AJAP1: variants seen among roughly 807,000 people sequenced by gnomAD.
AJAP1 encodes the protein adherens junctions associated protein 1.
AJAP1 carries 5 observed loss-of-function variants against 35.0 expected under a neutral mutation model. The ratio of observed to expected loss-of-function variants is 0.14; its 90% CI spans 0.07 to 0.30. The LOEUF is 0.30. Ranked by LOEUF, AJAP1 falls within the 10% of genes least tolerant of loss-of-function variation. The pLI, the probability that AJAP1 is intolerant of heterozygous loss-of-function variation, is 1.00. For synonymous variants in AJAP1, 284 were observed against 249.3 expected, an observed-to-expected ratio of 1.14 and a Z score of -1.31; for missense variants, 586 against 571.0, an observed-to-expected ratio of 1.03 and a Z score of -0.27.
intron 1 of AJAP1, among the ~76,000 whole-genome samples, chr1:4,682,001 T>G (rs1013879940): frequency 2.6e-5 from 4 of 152,114 alleles, no homozygotes; most frequent in African/African-American, 9.7e-5. Flanking sequence ...AACTGAAGCA[T>G]AGAGAGCACG....
rs181196408 is a variant in AJAP1, at chr1:4,748,880, G to C, written c.830-20973G>C. Among the ~76,000 whole-genome samples the C allele has an allele frequency of 4.3e-4, 65 of 152,140 alleles. 1 individual carries two copies. The highest frequency in any genetic ancestry group is 1.5e-3 in the African/African-American group (63 of 41,516). ...CAAAAGGCACCATCTTAGAAGCAGA[G>C]AGCAGCCCTTGCTAGACCCCAAACC... On this transcript the variant is annotated intron_variant, in intron 2 of 5. Coordinates refer to ENST00000378191, the MANE Select transcript of AJAP1 (RefSeq NM_018836.4).
intron 2 of AJAP1, among the ~76,000 whole-genome samples, chr1:4,748,778 TGG>T: frequency 1.5e-5 from 2 of 134,814 alleles, no homozygotes; most frequent in Admixed American, 7.3e-5. Flanking sequence ...AAAAAAAGAA[TGG>T]AACCAGGGCT....
intron 1 of AJAP1, among the ~76,000 whole-genome samples, chr1:4,706,310 C>T (rs914071311): frequency 6.6e-6 from 1 of 152,166 alleles, no homozygotes; most frequent in African/African-American, 2.4e-5. Flanking sequence ...CGTAGAAGCA[C>T]GGGTCTTCTT....
At chr1:4,743,697 C>G (rs1447271322) in intron 2 of AJAP1, among the ~76,000 whole-genome samples, 4 of 152,170 alleles carry the variant, frequency 2.6e-5, no homozygotes, top group Non-Finnish European at 5.9e-5. Context: ...ACATACTGAC[C>G]TGAACCCTTA....
At chr1:4,694,356 T>A (rs549100881) in intron 1 of AJAP1, among the ~76,000 whole-genome samples, 21 of 152,332 alleles carry the variant, frequency 1.4e-4, no homozygotes, top group Admixed American at 1.2e-3. Flanking sequence ...CAAGTATTAT[T>A]TTCTCTCTGA....
At chr1:4,731,330 C>T (rs1196088341) in intron 2 of AJAP1, among the ~76,000 whole-genome samples, 1 of 152,224 alleles carries the variant, frequency 6.6e-6, no homozygotes, top group African/African-American at 2.4e-5. Context: ...ATCCACCTGC[C>T]TCAGCCTCCC....
At chr1:4,667,338 C>T (rs1254397600) in intron 1 of AJAP1, among the ~76,000 whole-genome samples, 5 of 152,180 alleles carry the variant, frequency 3.3e-5, no homozygotes, top group South Asian at 4.1e-4. Context: ...GCTGCTTCTC[C>T]ACCCTTCCAG....
At chr1:4,731,632 C>T (rs924065036) in intron 2 of AJAP1, among the ~76,000 whole-genome samples, 1 of 152,126 alleles carries the variant, frequency 6.6e-6, no homozygotes, top group African/African-American at 2.4e-5. Flanking sequence ...GCCTGTGACC[C>T]AAAAGCTTAG....
chr1:4,655,299 CGGGCGGCGGG>C lies in AJAP1; in HGVS notation c.-126_-117del, dbSNP rs1638851989. ...GACTCGCTGTGCGCCCCGCGGCCGG[CGGGCGGCGGG>C]AGGCGGCGGACCGAGAGCCGGAGAC... On this transcript the variant is annotated 5_prime_UTR_variant, in exon 1 of 6. Transcript: ENST00000378191. The surrounding 1 kb of genome is among the most constrained non-coding windows in gnomAD (Gnocchi z 6.9). 5 of 699,462 alleles carry C rather than the reference CGGGCGGCGGG, an allele frequency of 7.1e-6. No homozygotes were observed. In the African/African-American group the frequency reaches 9.8e-5, roughly 14 times the overall value. 43.3% of individuals were successfully genotyped at this position (699,462 alleles called of 1,614,324 possible).
At chr1:4,741,011 T>C (rs547992265) in intron 2 of AJAP1, among the ~76,000 whole-genome samples, 1 of 152,156 alleles carries the variant, frequency 6.6e-6, no homozygotes, top group Admixed American at 6.5e-5. Flanking sequence ...TGTCCGACTC[T>C]GCAACTACAA....
At chr1:4,660,611 C>G (rs1025345959) in intron 1 of AJAP1, among the ~76,000 whole-genome samples, 1 of 152,210 alleles carries the variant, frequency 6.6e-6, no homozygotes, top group Non-Finnish European at 1.5e-5. Context: ...CCTAACTGAT[C>G]TGACTGGCAA....
At chr1:4,680,543 T>C (rs932869917) in intron 1 of AJAP1, among the ~76,000 whole-genome samples, 1 of 152,168 alleles carries the variant, frequency 6.6e-6, no homozygotes, top group Non-Finnish European at 1.5e-5. Context: ...TTTTCTACCC[T>C]GTAGTGCTCA....
At chr1:4,705,661 G>T (rs1030810977) in intron 1 of AJAP1, among the ~76,000 whole-genome samples, 4 of 151,828 alleles carry the variant, frequency 2.6e-5, no homozygotes, top group Admixed American at 1.3e-4. Context: ...AACACAGAAG[G>T]CCGGTCTCAT....
chr1:4,738,405 CCT>C (rs1032464521), intron 2 of AJAP1, among the ~76,000 whole-genome samples: 4 of 152,196 alleles, frequency 2.6e-5, no homozygotes, highest in African/African-American at 4.8e-5. Context: ...GCGTGAGGGG[CCT>C]CTCTCTGAAC....
chr1:4,778,752 G>A (rs1301390765), intron 5 of AJAP1, among the ~76,000 whole-genome samples: 3 of 152,132 alleles, frequency 2.0e-5, no homozygotes, highest in Non-Finnish European at 4.4e-5. Flanking sequence ...CCACCCACTC[G>A]TTGATCCTCC....
At chr1:4,713,451 T>A (rs189698466) in intron 2 of AJAP1, among the ~76,000 whole-genome samples, 1 of 152,330 alleles carries the variant, frequency 6.6e-6, no homozygotes, top group East Asian at 1.9e-4. Flanking sequence ...TCTCCTTCTG[T>A]GCAGTTTTGT....
intron 1 of AJAP1, among the ~76,000 whole-genome samples, chr1:4,685,107 C>T (rs766148308): frequency 6.6e-6 from 1 of 152,162 alleles, no homozygotes; most frequent in African/African-American, 2.4e-5. Context: ...ATCTGTCCAG[C>T]GTCCAGCATC....
chr1:4,664,421 C>T (rs532010098), intron 1 of AJAP1, among the ~76,000 whole-genome samples: 6 of 152,218 alleles, frequency 3.9e-5, no homozygotes, highest in East Asian at 3.9e-4. Flanking sequence ...GAGCTTCAAG[C>T]GTTCTGAGCC....
At chr1:4,682,797 T>A (rs2100211930) in intron 1 of AJAP1, among the ~76,000 whole-genome samples, 1 of 152,164 alleles carries the variant, frequency 6.6e-6, no homozygotes, top group African/African-American at 2.4e-5. Flanking sequence ...ATAGTGGTAA[T>A]GATGATAATG....
Sources: allele counts gnomAD v4.1 joint callset (sites outside exome capture counted in the v4.1 genomes callset), GRCh38; gene constraint gnomAD v4.1.1; non-coding constraint Gnocchi (gnomAD v3.1); transcripts MANE v1.5; gene names NCBI Gene and HGNC (gene_info 2026-07-23, HGNC 2026-07-21).